Variants in B3GALT1 observed in about 807,000 individuals in gnomAD.
B3GALT1 encodes the protein UDP-Gal:betaGlcNAc beta 1,3-galactosyltransferase, polypeptide 1.
Under a neutral mutation model 23.2 loss-of-function variants are expected in B3GALT1, and 10 were observed. The ratio of observed to expected loss-of-function variants is 0.43; its 90% CI spans 0.27 to 0.73. The LOEUF (loss-of-function observed/expected upper bound fraction) is 0.73. Ranked by LOEUF, B3GALT1 falls within the 30% of genes least tolerant of loss-of-function variation. The pLI is 0.21. For missense variants in B3GALT1, 299 were observed against 405.4 expected, an observed-to-expected ratio of 0.74 and a Z score of 2.25; for synonymous variants, 156 against 141.5, an observed-to-expected ratio of 1.10 and a Z score of -0.73.
At chr2:167,669,259 G>T (rs1206317567) in intron 3 of B3GALT1, among the ~76,000 whole-genome samples, 1 of 152,154 alleles carries the variant, frequency 6.6e-6, no homozygotes, top group African/African-American at 2.4e-5. Context: ...ATAAGTTTCA[G>T]GGTAGGCTAG....
At chr2:167,709,795 G>C (rs893066990) in intron 3 of B3GALT1, among the ~76,000 whole-genome samples, 1 of 152,072 alleles carries the variant, frequency 6.6e-6, no homozygotes, top group Non-Finnish European at 1.5e-5. Context: ...GCAGAACTGG[G>C]TGGAAATTCT....
chr2:167,674,140 G>T (rs559687422), intron 3 of B3GALT1, among the ~76,000 whole-genome samples: 1 of 152,158 alleles, frequency 6.6e-6, no homozygotes, highest in East Asian at 1.9e-4. Context: ...ACTAATATTG[G>T]TATTAAAAGA....
At chr2:167,376,109 A>G (rs573173159) in intron 1 of B3GALT1, among the ~76,000 whole-genome samples, 2 of 152,262 alleles carry the variant, frequency 1.3e-5, no homozygotes, top group South Asian at 2.1e-4. Context: ...AATTTTGTTT[A>G]TGCAGTGAAT....
intron 1 of B3GALT1, among the ~76,000 whole-genome samples, chr2:167,349,585 A>C (rs1379897985): frequency 6.6e-6 from 1 of 152,166 alleles, no homozygotes; most frequent in Non-Finnish European, 1.5e-5. Flanking sequence ...TAGAAGGAAA[A>C]AGAAACTTAT....
At chr2:167,597,042 A>G (rs1416542905) in intron 2 of B3GALT1, among the ~76,000 whole-genome samples, 1 of 151,700 alleles carries the variant, frequency 6.6e-6, no homozygotes, top group Non-Finnish European at 1.5e-5. Flanking sequence ...GCCTAGATTT[A>G]GTGGCTATTC....
At chr2:167,557,946 G>T (rs957643578) in intron 2 of B3GALT1, among the ~76,000 whole-genome samples, 8 of 152,130 alleles carry the variant, frequency 5.3e-5, no homozygotes, top group African/African-American at 1.9e-4. Context: ...AAGGAAAAGG[G>T]AGCAAAAGCC....
chr2:167,672,874 C>A (rs1439179050), intron 3 of B3GALT1, among the ~76,000 whole-genome samples: 1 of 151,788 alleles, frequency 6.6e-6, no homozygotes, highest in East Asian at 1.9e-4. Context: ...TATTTTATGG[C>A]AAACCTATTA....
chr2:167,743,548 T>C (rs1687607831), intron 3 of B3GALT1, among the ~76,000 whole-genome samples: 5 of 152,144 alleles, frequency 3.3e-5, no homozygotes, highest in Admixed American at 3.3e-4. Flanking sequence ...TTGCCCATTT[T>C]TCCATTGAAA....
At chr2:167,561,418 A>G (rs930270247) in intron 2 of B3GALT1, among the ~76,000 whole-genome samples, 8 of 152,162 alleles carry the variant, frequency 5.3e-5, no homozygotes, top group African/African-American at 1.7e-4. Context: ...GAGCAAACAC[A>G]TTCAAAAGCT....
intron 2 of B3GALT1, among the ~76,000 whole-genome samples, chr2:167,572,279 A>T (rs989169014): frequency 3.3e-5 from 5 of 151,836 alleles, no homozygotes; most frequent in African/African-American, 1.2e-4. Context: ...AAATATGTAA[A>T]TGCTATCTGT....
At chr2:167,814,897 C>T (rs532689857) in intron 3 of B3GALT1, 7 of 152,304 alleles carry the variant, frequency 4.6e-5, no homozygotes, top group African/African-American at 1.7e-4. Flanking sequence ...CCCCTGGTTT[C>T]TAGCATTGCC....
chr2:167,344,668 T>TG (rs1200975885), intron 1 of B3GALT1, among the ~76,000 whole-genome samples: 1 of 152,200 alleles, frequency 6.6e-6, no homozygotes. Flanking sequence ...TCATTCTTTA[T>TG]CTATGTGAGC....
intron 2 of B3GALT1, among the ~76,000 whole-genome samples, chr2:167,601,828 C>T (rs1574161848): frequency 6.6e-6 from 1 of 152,332 alleles, no homozygotes; most frequent in Non-Finnish European, 1.5e-5. Flanking sequence ...CAACCCTTCA[C>T]TTCAACATAG....
At chr2:167,840,836 C>G (rs1315124939) in intron 4 of B3GALT1, among the ~76,000 whole-genome samples, 1 of 144,926 alleles carries the variant, frequency 6.9e-6, no homozygotes, top group Non-Finnish European at 1.5e-5. Context: ...CCATGGAATA[C>G]TATGCAGCCA....
chr2:167,636,284 A>G (rs1685552436), intron 2 of B3GALT1, among the ~76,000 whole-genome samples: 1 of 151,696 alleles, frequency 6.6e-6, no homozygotes, highest in African/African-American at 2.4e-5. Flanking sequence ...AATAAAGGGG[A>G]TTAGTTTACC....
intron 1 of B3GALT1, among the ~76,000 whole-genome samples, chr2:167,483,715 T>C (rs183088257): frequency 1.2e-4 from 19 of 152,308 alleles, no homozygotes; most frequent in African/African-American, 4.6e-4. Flanking sequence ...TTATATATAA[T>C]TTATAGCCTT....
chr2:167,672,561 G>A (rs1483154590), intron 3 of B3GALT1, among the ~76,000 whole-genome samples: 1 of 152,118 alleles, frequency 6.6e-6, no homozygotes, highest in Non-Finnish European at 1.5e-5. Context: ...CAGATACTCT[G>A]GGGTGAAGCC....
At chr2:167,473,755 A>G (rs767071310) in intron 1 of B3GALT1, among the ~76,000 whole-genome samples, 1 of 152,136 alleles carries the variant, frequency 6.6e-6, no homozygotes, top group Non-Finnish European at 1.5e-5. Flanking sequence ...TAGGAGGACA[A>G]ATAGGGGATG....
At chr2:167,343,825 A>G (rs1317443324) in intron 1 of B3GALT1, among the ~76,000 whole-genome samples, 3 of 152,100 alleles carry the variant, frequency 2.0e-5, no homozygotes, top group African/African-American at 4.8e-5. Context: ...TCTCTTTTTC[A>G]GGCTGTATTA....
Sources: allele counts gnomAD v4.1 joint callset (sites outside exome capture counted in the v4.1 genomes callset), GRCh38; gene constraint gnomAD v4.1.1; transcripts MANE v1.5; gene names NCBI Gene and HGNC (gene_info 2026-07-23, HGNC 2026-07-21).